The following CDH12 variants were observed in gnomAD, a reference collection of about 807,000 sequenced individuals.
The protein encoded by CDH12 is cadherin-12.
Under a neutral mutation model 74.1 loss-of-function variants are expected in CDH12, and 41 were observed. The observed-to-expected ratio is 0.55, with a 90% CI of 0.43 to 0.72. The LOEUF (loss-of-function observed/expected upper bound fraction) is 0.72, where lower values mean the gene tolerates loss of function less well. Ranked by LOEUF, CDH12 falls within the 30% of genes least tolerant of loss-of-function variation. The pLI, the probability that CDH12 is intolerant of heterozygous loss-of-function variation, is 0.00. For missense variants in CDH12, 945 were observed against 977.2 expected (o/e 0.97, Z 0.44); for synonymous variants, 399 against 355.0 (o/e 1.12, Z -1.39).
chr5:22,105,507 G>T (rs931652806), intron 4 of CDH12, among the ~76,000 whole-genome samples: 1 of 151,084 alleles, frequency 6.6e-6, no homozygotes, highest in Admixed American at 6.6e-5. Flanking sequence ...AGACCAGCCT[G>T]GCCTACATGG....
At chr5:22,389,028 A>G (rs530185655) in intron 3 of CDH12, among the ~76,000 whole-genome samples, 1 of 152,346 alleles carries the variant, frequency 6.6e-6, no homozygotes, top group Non-Finnish European at 1.5e-5. Context: ...AGGGCAAACA[A>G]GGTTCTTTGT....
At chr5:22,393,006 A>G (rs1355251269) in intron 3 of CDH12, among the ~76,000 whole-genome samples, 1 of 152,156 alleles carries the variant, frequency 6.6e-6, no homozygotes, top group African/African-American at 2.4e-5. Context: ...TATATGGATC[A>G]GATTGAATGA....
At chr5:22,103,294 G>T (rs1392959570) in intron 4 of CDH12, among the ~76,000 whole-genome samples, 2 of 151,752 alleles carry the variant, frequency 1.3e-5, no homozygotes, top group Non-Finnish European at 2.9e-5. Context: ...CTTAGGAGTT[G>T]TGATGCTCTT....
chr5:22,210,168 A>C, intron 4 of CDH12, among the ~76,000 whole-genome samples: 1 of 100,754 alleles, frequency 9.9e-6, no homozygotes. Flanking sequence ...CATATTACTT[A>C]TTGAGGAGCA....
intron 4 of CDH12, among the ~76,000 whole-genome samples, chr5:22,092,695 A>G (rs1280373633): frequency 2.6e-5 from 4 of 152,166 alleles, no homozygotes; most frequent in Non-Finnish European, 5.9e-5. Flanking sequence ...GTAGTTCCTC[A>G]AAATGTTAAA....
intron 10 of CDH12, 21 bp from the exon 11 acceptor site, chr5:21,783,515 T>TGCAA (rs774046211): frequency 6.4e-7 from 1 of 1,573,882 alleles, no homozygotes; most frequent in Non-Finnish European, 8.7e-7. Context: ...AAAGAGTAGA[T>TGCAA]GCAAATGTGC....
chr5:22,114,627 TA>T (rs1744988561), intron 4 of CDH12, among the ~76,000 whole-genome samples: 1 of 152,196 alleles, frequency 6.6e-6, no homozygotes, highest in Non-Finnish European at 1.5e-5. Context: ...TTTTTAAAAA[TA>T]AAAGAATAAA....
At chr5:22,843,843 G>T (rs1737187362) in intron 1 of CDH12, among the ~76,000 whole-genome samples, 1 of 152,044 alleles carries the variant, frequency 6.6e-6, no homozygotes, top group Non-Finnish European at 1.5e-5. Flanking sequence ...GCACTGTAAA[G>T]CAGGATTTTG....
intron 1 of CDH12, among the ~76,000 whole-genome samples, chr5:22,706,348 C>G (rs1348427874): frequency 6.6e-6 from 1 of 151,900 alleles, no homozygotes; most frequent in Non-Finnish European, 1.5e-5. Context: ...TATTTATAAA[C>G]ATATCTATAT....
chr5:22,011,474 A>G (rs1737288318), intron 5 of CDH12, among the ~76,000 whole-genome samples: 1 of 152,204 alleles, frequency 6.6e-6, no homozygotes, highest in Non-Finnish European at 1.5e-5. Context: ...TTTATTGAAC[A>G]AAACAATTGT....
chr5:22,276,048 T>A (rs992109773), intron 3 of CDH12, among the ~76,000 whole-genome samples: 2 of 152,200 alleles, frequency 1.3e-5, no homozygotes, highest in Non-Finnish European at 2.9e-5. Context: ...ATCAATTTCT[T>A]TTATTCATTA....
chr5:21,834,119 C>G (rs554659801), intron 8 of CDH12, among the ~76,000 whole-genome samples: 2 of 151,824 alleles, frequency 1.3e-5, no homozygotes, highest in African/African-American at 4.8e-5. Context: ...TCAGCTAGTA[C>G]CTGAATACAA....
At chr5:22,605,477 C>A (rs1378818695) in intron 1 of CDH12, among the ~76,000 whole-genome samples, 1 of 152,210 alleles carries the variant, frequency 6.6e-6, no homozygotes, top group East Asian at 1.9e-4. Context: ...CCCTTCTCCC[C>A]TGAACTCAAA....
At chr5:22,617,041 T>G (rs1274707390) in intron 1 of CDH12, among the ~76,000 whole-genome samples, 4 of 151,878 alleles carry the variant, frequency 2.6e-5, no homozygotes, top group East Asian at 3.9e-4. Flanking sequence ...ATTTTTTGTG[T>G]TTTTAATTTT....
intron 4 of CDH12, among the ~76,000 whole-genome samples, chr5:22,096,443 G>T (rs1743786726): frequency 6.6e-6 from 1 of 151,958 alleles, no homozygotes; most frequent in Admixed American, 6.6e-5. Context: ...GTGTTGCTGA[G>T]TCTTTCTAAT....
chr5:22,537,483 A>G (rs1737903762), intron 1 of CDH12, among the ~76,000 whole-genome samples: 1 of 152,184 alleles, frequency 6.6e-6, no homozygotes, highest in Admixed American at 6.5e-5. Flanking sequence ...CATCAGCCTC[A>G]TGGCTAAGGT....
At chr5:22,748,321 AC>A (rs1745392511) in intron 1 of CDH12, among the ~76,000 whole-genome samples, 1 of 152,182 alleles carries the variant, frequency 6.6e-6, no homozygotes, top group South Asian at 2.1e-4. Context: ...TTGATGGAAT[AC>A]ACAAGACATA....
At chr5:22,791,349 A>T (rs1407473907) in intron 1 of CDH12, among the ~76,000 whole-genome samples, 1 of 152,214 alleles carries the variant, frequency 6.6e-6, no homozygotes, top group Non-Finnish European at 1.5e-5. Flanking sequence ...GATATAAAAC[A>T]AAAGAGTAAT....
chr5:21,875,962 C>G (rs1272620329), intron 6 of CDH12, among the ~76,000 whole-genome samples: 2 of 146,002 alleles, frequency 1.4e-5, no homozygotes, highest in East Asian at 4.3e-4. Flanking sequence ...GTGGCACGAT[C>G]TCGGTTCACC....
Sources: allele counts gnomAD v4.1 joint callset (sites outside exome capture counted in the v4.1 genomes callset), GRCh38; gene constraint gnomAD v4.1.1; transcripts MANE v1.5; gene names NCBI Gene and HGNC (gene_info 2026-07-23, HGNC 2026-07-21).